Variants in VPS33B observed in about 807,000 individuals in gnomAD.
VPS33B encodes the protein VPS33B late endosome and lysosome associated.
VPS33B carries 80 observed loss-of-function variants against 95.3 expected under a neutral mutation model. The observed-to-expected ratio is 0.84, with a 90% confidence interval of 0.70 to 1.01. VPS33B has a LOEUF of 1.01. VPS33B is among the 50% of genes least tolerant of loss of function. The pLI is 0.00. For synonymous variants in VPS33B, 280 were observed against 280.4 expected, an observed-to-expected ratio of 1.00 and a Z score of 0.01; for missense variants, 715 against 773.4, an observed-to-expected ratio of 0.92 and a Z score of 0.90.
intron 2 of VPS33B, 97 bp downstream of exon 2, chr15:91,017,708 G>T: frequency 2.6e-6 from 3 of 1,142,538 alleles, no homozygotes; most frequent in African/African-American, 1.5e-5. Context: ...CCCTATATTT[G>T]CCCTACAAGA....
At chr15:91,001,636 C>G (rs2040441520) in intron 18 of VPS33B, among the ~76,000 whole-genome samples, 174 bp from the exon 19 acceptor site, 1 of 152,222 alleles carries the variant, frequency 6.6e-6, no homozygotes, top group African/African-American at 2.4e-5. Flanking sequence ...TCTCCCCACC[C>G]ACAGTCTTCC....
At chr15:91,014,490 C>T in intron 3 of VPS33B, 57 bp from the exon 4 acceptor site, 1 of 1,589,990 alleles carries the variant, frequency 6.3e-7, no homozygotes, top group Non-Finnish European at 8.6e-7. Flanking sequence ...TGGATAGCAA[C>T]TTAGAAGAAA....
chr15:91,018,623 T>C lies in VPS33B; in HGVS notation c.97-738A>G, dbSNP rs936837261. Among the ~76,000 whole-genome samples, 1 of 152,164 alleles carries C rather than the reference T, an allele frequency of 6.6e-6. No individual in the cohort carries two copies. The highest frequency in any genetic ancestry group is 2.4e-5 in the African/African-American group (1 of 41,436). ...TTGCCCTCCGAGGGACATTTGGCAA[T>C]GTCCAGACACATTTTTGGTTATCTG... On this transcript the variant is annotated intron_variant, in intron 1 of 22. Transcript: ENST00000333371. This position sits in a 1 kb window ranked among gnomAD's most constrained non-coding sequence, Gnocchi z 4.7.
intron 19 of VPS33B, chr15:91,001,091 G>A (rs1309322649): frequency 2.9e-5 from 11 of 381,056 alleles, no homozygotes; most frequent in South Asian, 6.7e-5. Flanking sequence ...CGAGGTGGGC[G>A]GATCACCTGA....
chr15:91,013,799 C>T lies in VPS33B; in HGVS notation c.357+5G>A, dbSNP rs2040845711. The T allele has an allele frequency of 1.2e-6, 2 of 1,614,040 alleles. No homozygotes were observed. ...TATCCCACTTCCTCCAGGATCCAAACTCACCTTTTGAGGGCTGAAGATCAC... is the reference window on the plus strand; with the variant it reads ...TATCCCACTTCCTCCAGGATCCAAATTCACCTTTTGAGGGCTGAAGATCAC... On this transcript the variant is annotated splice_donor_5th_base_variant and intron_variant, in intron 5 of 22. Transcript: ENST00000333371. The surrounding 1 kb of genome is among the most constrained non-coding windows in gnomAD (Gnocchi z 4.5).
chr15:91,007,086 C>A lies in VPS33B; in HGVS notation c.604-40G>T. The A allele has an allele frequency of 6.2e-7, 1 of 1,600,136 alleles. No individual in the cohort carries two copies. Among genetic ancestry groups the A allele is most frequent in the South Asian group, 1.1e-5 (1 of 90,956 alleles). On this transcript the variant is annotated intron_variant, in intron 8 of 22. Coordinates refer to ENST00000333371, the MANE Select transcript of VPS33B (RefSeq NM_018668.5). This position sits in a 1 kb window ranked among gnomAD's most constrained non-coding sequence, Gnocchi z 5.3. ...GACATTCTCAGTCTTGTGTCCAGGTCCCTACTGCAGCCCCATACCTACAGA... is the reference window on the plus strand; with the variant it reads ...GACATTCTCAGTCTTGTGTCCAGGTACCTACTGCAGCCCCATACCTACAGA...
In VPS33B at chr15:91,000,765, CT is replaced by C; in HGVS notation, c.1480-175del. On this transcript the variant is annotated intron_variant, in intron 19 of 22. Transcript: ENST00000333371. The surrounding 1 kb of genome is among the most constrained non-coding windows in gnomAD (Gnocchi z 4.9). ...GAAGATGGCAGTTTTTGTTCAGTAA[CT>C]GCCAGTTCTCTGGAATGAGTTCCCA... is the stretch of plus-strand genomic sequence containing the variant. 3.3e-6 allele frequency: 2 copies of C among 604,938 alleles called. No homozygotes were observed. The highest frequency in any genetic ancestry group is 6.0e-6 in the Non-Finnish European group (2 of 332,148). 37.5% of individuals were successfully genotyped at this position (604,938 alleles called of 1,614,324 possible).
Position 91,007,552 on chromosome 15 carries a change from T to G in VPS33B, c.520A>C (p.Asn174His). The change falls in exon 8 of 23, where the codon AAC (asparagine) becomes CAC (histidine). Residue 174 changes from asparagine to histidine, a missense_variant. Asn to His is a moderately conservative substitution (Grantham distance 68). Transcript: ENST00000333371. This position sits in a 1 kb window ranked among gnomAD's most constrained non-coding sequence, Gnocchi z 5.3. The part of the protein sequence containing the change: ...YFLEGDQRWI[N>H]TVAQALHLLS... ...AGGTGTAAGGCCTGAGCTACAGTGT[T>G]GATCCAACGCTGATCTCCTTCCTGC... The G allele has an allele frequency of 6.2e-7, 1 of 1,614,146 alleles. No individual in the cohort carries two copies. Among genetic ancestry groups the G allele is most frequent in the South Asian group, 1.1e-5 (1 of 91,084 alleles).
rs1235337860 is a variant in VPS33B at position 91,006,397 on chromosome 15, T to G, written c.827A>C (p.Lys276Thr). The G allele has an allele frequency of 6.2e-7, 1 of 1,614,228 alleles. No homozygotes were observed. Among genetic ancestry groups the G allele is most frequent in the Non-Finnish European group, 8.5e-7 (1 of 1,180,044 alleles). The change falls in exon 11 of 23, where the codon AAG becomes ACG. Residue 276 changes from lysine to threonine, a missense_variant. Lys to Thr is a moderately conservative substitution (Grantham distance 78, BLOSUM62 -1). Coordinates refer to ENST00000333371, the MANE Select transcript of VPS33B (RefSeq NM_018668.5). The surrounding 1 kb of genome is among the most constrained non-coding windows in gnomAD (Gnocchi z 5.4). ...CTTGTCCTCGGCATTGAGTAGCACC[T>G]TCAGGCTCTTGTCAGAGGATGTGAC... ...PEVTSSDKSL[K>T]VLLNAEDKVF...
In VPS33B at chr15:90,998,983, T is replaced by C. The variant is rs763607853; in HGVS notation, c.1846A>G (p.Lys616Glu). 5 of 1,614,034 alleles carry C rather than the reference T, an allele frequency of 3.1e-6. No homozygotes were observed. Among genetic ancestry groups the C allele is most frequent in the Non-Finnish European group, 4.2e-6 (5 of 1,180,028 alleles). The change falls in exon 23 of 23, where the codon AAA becomes GAA. Residue 616 changes from lysine (K) to glutamate (E), a missense_variant. Lys to Glu is a moderately conservative substitution (Grantham distance 56). Transcript: ENST00000333371. This position sits in a 1 kb window ranked among gnomAD's most constrained non-coding sequence, Gnocchi z 4.8. The part of the protein sequence containing the change: ...ARLMEAMSEV[K>E]A ...ACTGGCCGGGAAAAACATCAGGCTT[T>C]CACCTCACTCATGGCCTCCATAAGG...
rs747183786 is a variant in VPS33B at position 91,002,178 on chromosome 15, T to C, written c.1277A>G (p.Tyr426Cys). ...RSLKTQYLQS[Y>C]GPEHLLTFSN... ...GAAGGTTAGCAGGTGCTCAGGGCCATAGCTCTGAAGAAGATGCAATTAGAC... is the reference window on the plus strand; with the variant it reads ...GAAGGTTAGCAGGTGCTCAGGGCCACAGCTCTGAAGAAGATGCAATTAGAC... Residue 426 changes from tyrosine (Y) to cysteine (C), a missense_variant, in exon 18 of 23, where the codon TAT becomes TGT. Tyr to Cys is a radical substitution (Grantham distance 194, BLOSUM62 -2). Transcript: ENST00000333371. The surrounding 1 kb of genome is among the most constrained non-coding windows in gnomAD (Gnocchi z 4.7). The C allele has an allele frequency of 1.1e-5, 17 of 1,614,176 alleles. No individual in the cohort carries two copies. The East Asian group carries it at 2.7e-4, about 25-fold the overall frequency.
At position 91,005,282 on chromosome 15, in the gene VPS33B, C is replaced by T; in HGVS notation, c.1105+98G>A. 6.2e-7 allele frequency: 1 copy of T among 1,612,934 alleles called. No individual in the cohort carries two copies. The highest frequency in any genetic ancestry group is 8.5e-7 in the Non-Finnish European group (1 of 1,179,758). ...CAGCATTCCACATAGCCAGTGTCAG[C>T]TGGAAAGAGCCAGAGAACATCTTTT... On this transcript the variant is annotated intron_variant, in intron 14 of 22. Transcript: ENST00000333371. This position sits in a 1 kb window ranked among gnomAD's most constrained non-coding sequence, Gnocchi z 6.4.
In VPS33B at chr15:91,002,986, A is replaced by G; in HGVS notation, c.1272+99T>C. Reference sequence around the variant, plus strand: ...AGGCCTGAATGGAAACAGGAGGGTAATGGAGGCAGGAAAGGGGCCACTTCT... The same window carrying G: ...AGGCCTGAATGGAAACAGGAGGGTAGTGGAGGCAGGAAAGGGGCCACTTCT... On this transcript the variant is annotated intron_variant, in intron 17 of 22. Coordinates refer to ENST00000333371, the MANE Select transcript of VPS33B (RefSeq NM_018668.5). This position sits in a 1 kb window ranked among gnomAD's most constrained non-coding sequence, Gnocchi z 4.7. The G allele has an allele frequency of 7.7e-7, 1 of 1,304,806 alleles. No individual in the cohort carries two copies. The highest frequency in any genetic ancestry group is 1.2e-5 in the South Asian group (1 of 84,726). The allele number at this position is 1,304,806 out of a possible 1,614,324, so 80.8% of individuals were successfully genotyped here.
At position 91,005,513 on chromosome 15, in the gene VPS33B, T is replaced by A; in HGVS notation, c.1031-59A>T. 1.2e-6 allele frequency: 2 copies of A among 1,611,690 alleles called. No individual in the cohort carries two copies. Among genetic ancestry groups the A allele is most frequent in the Non-Finnish European group, 8.5e-7 (1 of 1,177,916 alleles). On this transcript the variant is annotated intron_variant, in intron 13 of 22. Coordinates refer to ENST00000333371, the MANE Select transcript of VPS33B (RefSeq NM_018668.5). This position sits in a 1 kb window ranked among gnomAD's most constrained non-coding sequence, Gnocchi z 6.4. ...TGGTTCTAGAAAGATGTCCCTTTATTGTCCGGAAGAATAAAAAACCTCCTA... is the reference window on the plus strand; with the variant it reads ...TGGTTCTAGAAAGATGTCCCTTTATAGTCCGGAAGAATAAAAAACCTCCTA...
In VPS33B at chr15:91,002,923, G is replaced by A. The variant is rs957698504; in HGVS notation, c.1272+162C>T. On this transcript the variant is annotated intron_variant, in intron 17 of 22. Transcript: ENST00000333371. The surrounding 1 kb of genome is among the most constrained non-coding windows in gnomAD (Gnocchi z 4.7). Reference sequence around the variant, plus strand: ...AAACAAGGGTAGAGGGCAGAGAGGCGTGCTGAAAGGTGACTCTCCCTAGTA... The same window carrying A: ...AAACAAGGGTAGAGGGCAGAGAGGCATGCTGAAAGGTGACTCTCCCTAGTA... Among the ~76,000 whole-genome samples, 2 of 152,124 alleles carry A rather than the reference G, an allele frequency of 1.3e-5. No homozygotes were observed. Among genetic ancestry groups the A allele is most frequent in the South Asian group, 2.1e-4 (1 of 4,824 alleles).
At chr15:91,021,666 AATCT>A (rs2041106211) in intron 1 of VPS33B, among the ~76,000 whole-genome samples, 1 of 152,152 alleles carries the variant, frequency 6.6e-6, no homozygotes, top group Non-Finnish European at 1.5e-5. Flanking sequence ...TGCTCCTACC[AATCT>A]ATCTGCCTGG....
Position 91,002,059 on chromosome 15 carries a change from T to C in VPS33B, c.1396A>G (p.Lys466Glu). The C allele has an allele frequency of 6.2e-7, 1 of 1,613,998 alleles. No homozygotes were observed. Among genetic ancestry groups the C allele is most frequent in the South Asian group, 1.1e-5 (1 of 91,070 alleles). ...TGTGCTCCCTGCTTACCTGCAGCCT[T>C]GTCGGTCACCAGCTTGCTCACTTTA... The part of the protein sequence containing the change: ...ESKVSKLVTD[K>E]AAGKITDAFS... The change falls in exon 18 of 23, where the codon AAG becomes GAG. Residue 466 changes from lysine to glutamate, a missense_variant. Physicochemically the swap from Lys to Glu is moderately conservative, Grantham distance 56. Coordinates refer to ENST00000333371, the MANE Select transcript of VPS33B (RefSeq NM_018668.5). This position sits in a 1 kb window ranked among gnomAD's most constrained non-coding sequence, Gnocchi z 4.7.
At chr15:91,014,457 A>C in intron 3 of VPS33B, 24 bp from the exon 4 acceptor site, 1 of 1,613,352 alleles carries the variant, frequency 6.2e-7, no homozygotes, top group Non-Finnish European at 8.5e-7. Flanking sequence ...AGAAAAAAAA[A>C]CAGTGAAGAA....
At position 91,002,170 on chromosome 15, in the gene VPS33B, C is replaced by T. The variant is rs2040458085; in HGVS notation, c.1285G>A (p.Glu429Lys). The change falls in exon 18 of 23, where the codon GAG becomes AAG. Residue 429 changes from glutamate (E) to lysine (K), a missense_variant. Transcript: ENST00000333371. This position sits in a 1 kb window ranked among gnomAD's most constrained non-coding sequence, Gnocchi z 4.7. ...KTQYLQSYGPEHLLTFSNLRR... is the reference protein window; with the variant it reads ...KTQYLQSYGPKHLLTFSNLRR... ...AGATTGGAGAAGGTTAGCAGGTGCT[C>T]AGGGCCATAGCTCTGAAGAAGATGC... The T allele has an allele frequency of 6.2e-7, 1 of 1,614,178 alleles. No homozygotes were observed. Among genetic ancestry groups the T allele is most frequent in the South Asian group, 1.1e-5 (1 of 91,074 alleles).
Sources: allele counts gnomAD v4.1 joint callset (sites outside exome capture counted in the v4.1 genomes callset), GRCh38; gene constraint gnomAD v4.1.1; non-coding constraint Gnocchi (gnomAD v3.1); transcripts MANE v1.5; gene names NCBI Gene and HGNC (gene_info 2026-07-23, HGNC 2026-07-21).